The following RNF43 variants were observed in gnomAD, a reference collection of about 807,000 sequenced individuals.
The protein encoded by RNF43 is ring finger protein 43.
Under a neutral mutation model 78.4 loss-of-function variants are expected in RNF43, and 37 were observed. That is an observed-to-expected ratio of 0.47 (90% CI 0.36 to 0.62). The LOEUF (loss-of-function observed/expected upper bound fraction) is 0.62, where lower values mean the gene tolerates loss of function less well. RNF43 is among the 20% of genes least tolerant of loss of function. RNF43 has a pLI of 0.00. For missense variants in RNF43, 774 were observed against 1,007.9 expected (o/e 0.77, Z 3.14); for synonymous variants, 347 against 395.0 (o/e 0.88, Z 1.44).
intron 2 of RNF43, among the ~76,000 whole-genome samples, chr17:58,381,309 G>A (rs900908080): frequency 2.0e-4 from 30 of 152,234 alleles, no homozygotes; most frequent in African/African-American, 7.2e-4. Flanking sequence ...GGAAGGGCTT[G>A]TGTTGGAGAT....
chr17:58,405,910 A>G (rs1174684637), intron 2 of RNF43, among the ~76,000 whole-genome samples: 2 of 152,196 alleles, frequency 1.3e-5, no homozygotes, highest in Non-Finnish European at 2.9e-5. Flanking sequence ...GAATTACTAT[A>G]GTATCTGTCA....
At chr17:58,412,566 C>T (rs1297630949) in intron 2 of RNF43, among the ~76,000 whole-genome samples, 1 of 148,630 alleles carries the variant, frequency 6.7e-6, no homozygotes, top group Non-Finnish European at 1.5e-5. Context: ...CTTATACATA[C>T]AGCCATCAGA....
chr17:58,358,965 G>C lies in RNF43; in HGVS notation c.953-142C>G, dbSNP rs1285285573. ...TTTGGGGGATCAAGGACGTGCCTAA[G>C]CTGCCTGTGCTCTGGGACTCCTTTG... On this transcript the variant is annotated intron_variant, in intron 8 of 9. Transcript: ENST00000407977. This position sits in a 1 kb window ranked among gnomAD's most constrained non-coding sequence, Gnocchi z 6.2. The C allele has an allele frequency of 6.7e-6, 6 of 901,338 alleles. No individual in the cohort carries two copies. The highest frequency in any genetic ancestry group is 9.5e-6 in the Non-Finnish European group (6 of 630,828). 55.8% of individuals were successfully genotyped at this position (901,338 alleles called of 1,614,324 possible). A position where few individuals can be genotyped will look rare whatever the true frequency, so the allele number is the denominator to read the frequency against.
At chr17:58,373,910 C>T (rs1423570175) in intron 2 of RNF43, among the ~76,000 whole-genome samples, 4 of 152,192 alleles carry the variant, frequency 2.6e-5, no homozygotes, top group Admixed American at 2.0e-4. Flanking sequence ...ACTCCATTGT[C>T]GGAGCCATGG....
chr17:58,379,785 G>T (rs1206019599), intron 2 of RNF43, among the ~76,000 whole-genome samples: 1 of 152,194 alleles, frequency 6.6e-6, no homozygotes, highest in Non-Finnish European at 1.5e-5. Flanking sequence ...TATCAGAGAA[G>T]AAAGTATATT....
rs183006806 is a variant in RNF43 at position 58,399,625 on chromosome 17, T to C, written c.252+15701A>G. On this transcript the variant is annotated intron_variant, in intron 2 of 9. Transcript: ENST00000407977. ...CTGAAGCGCCAGCATTCTGAGCAAC[T>C]GTCCCAGAGTAGCAGCAATTTTTTT... Among the ~76,000 whole-genome samples the C allele has an allele frequency of 7.2e-5, 11 of 152,002 alleles. No homozygotes were observed. In the East Asian group the frequency reaches 2.1e-3, roughly 29 times the overall value.
intron 6 of RNF43, among the ~76,000 whole-genome samples, chr17:58,362,240 G>GT (rs538609651): frequency 1.7e-3 from 260 of 152,112 alleles, no homozygotes; most frequent in African/African-American, 6.0e-3. Flanking sequence ...TTTATTGTCT[G>GT]TTTTTTCCCT....
chr17:58,366,144 A>T (rs1056832533), intron 3 of RNF43, among the ~76,000 whole-genome samples: 5 of 152,254 alleles, frequency 3.3e-5, no homozygotes, highest in African/African-American at 1.2e-4. Context: ...ACATGAAGCT[A>T]TAACGCTGAT....
chr17:58,379,236 C>G (rs981190638), intron 2 of RNF43, among the ~76,000 whole-genome samples: 1 of 152,122 alleles, frequency 6.6e-6, no homozygotes, highest in African/African-American at 2.4e-5. Context: ...GTCCCCATTT[C>G]TAGAATTTTC....
intron 3 of RNF43, among the ~76,000 whole-genome samples, chr17:58,368,661 C>T (rs1329783079): frequency 1.4e-5 from 2 of 142,884 alleles, no homozygotes; most frequent in Non-Finnish European, 3.0e-5. Flanking sequence ...TGCAGTGAGC[C>T]GAGATGGAGC....
chr17:58,373,429 A>G (rs1220801723), intron 2 of RNF43, among the ~76,000 whole-genome samples: 2 of 152,366 alleles, frequency 1.3e-5, no homozygotes, highest in Middle Eastern at 3.4e-3. Flanking sequence ...AAGGAATGGA[A>G]GGAAATTAAA....
rs371061777 is a variant in RNF43 at position 58,377,686 on chromosome 17, C to A, written c.253-6653G>T. Among the ~76,000 whole-genome samples, 124 of 143,406 alleles carry A rather than the reference C, an allele frequency of 8.6e-4. 3 individuals are homozygous for A. The East Asian group carries it at 0.017, about 20-fold the overall frequency. The allele number at this position is 143,406 out of a possible 152,430, so 94.1% of individuals were successfully genotyped here. A position where few individuals can be genotyped will look rare whatever the true frequency, so the allele number is the denominator to read the frequency against. ...CTCCTCCCCACCCACCCACCCACCC[C>A]CTCCTGCCCCCACCACCGACCTCTG... On this transcript the variant is annotated intron_variant, in intron 2 of 9. Coordinates refer to ENST00000407977, the MANE Select transcript of RNF43 (RefSeq NM_017763.6).
intron 2 of RNF43, among the ~76,000 whole-genome samples, chr17:58,393,206 G>A (rs1310650533): frequency 2.0e-5 from 3 of 152,088 alleles, no homozygotes; most frequent in Non-Finnish European, 4.4e-5. Flanking sequence ...TCAGGAGTTC[G>A]AGACCAGCCT....
At chr17:58,416,936 A>C (rs1283617239) in intron 1 of RNF43, 81 bp downstream of exon 1, 1 of 152,258 alleles carries the variant, frequency 6.6e-6, no homozygotes, top group African/African-American at 2.4e-5. Context: ...GCAATTGAAC[A>C]TGAACCTGTT....
intron 6 of RNF43, among the ~76,000 whole-genome samples, chr17:58,361,523 G>A (rs1056720796): frequency 3.9e-4 from 60 of 152,176 alleles, no homozygotes; most frequent in African/African-American, 1.4e-3. Context: ...TAGCCTCTTA[G>A]ATGGTTTCTC....
intron 2 of RNF43, 51 bp downstream of exon 2, chr17:58,415,275 A>C (rs371145791): frequency 6.3e-7 from 1 of 1,592,266 alleles, no homozygotes; most frequent in Non-Finnish European, 8.6e-7. Flanking sequence ...CAAAAGAAGA[A>C]AGACATATTT....
intron 2 of RNF43, among the ~76,000 whole-genome samples, chr17:58,389,119 T>C (rs925731928): frequency 3.3e-5 from 5 of 152,068 alleles, no homozygotes; most frequent in Admixed American, 6.5e-5. Flanking sequence ...AAGAGAAAAC[T>C]AGTGGTAGGA....
At position 58,363,281 on chromosome 17, in the gene RNF43, C is replaced by G. The variant is rs76384648; in HGVS notation, c.576G>C (p.Pro192=). 2.7e-5 allele frequency: 44 copies of G among 1,613,516 alleles called. No homozygotes were observed. Among genetic ancestry groups the G allele is most frequent in the Non-Finnish European group, 3.3e-5 (39 of 1,179,984 alleles). The change falls in exon 5 of 10, where the codon CCG becomes CCC. Residue 192 remains proline (P), a synonymous_variant. Transcript: ENST00000407977. ...GGAGGTCTAGTGTGCTTACCCAGGC[C>G]GGGGGCTCCTTCAGCTCAATCCTCA... The part of the protein sequence containing the change: ...AHVRIELKEP[P]AWPDYDVWIL...
chr17:58,385,877 T>C (rs1055585916), intron 2 of RNF43, among the ~76,000 whole-genome samples: 1 of 151,948 alleles, frequency 6.6e-6, no homozygotes, highest in Admixed American at 6.6e-5. Flanking sequence ...GAGGCCAAAA[T>C]GGGTGAATTA....
Sources: gnomAD v4.1 joint callset for allele counts (sites outside exome capture counted in the v4.1 genomes callset) on GRCh38, gnomAD v4.1.1 for gene constraint, Gnocchi (gnomAD v3.1) non-coding constraint, MANE v1.5 for transcripts, NCBI Gene and HGNC (gene_info 2026-07-23, HGNC 2026-07-21) for gene names.